The following MYO5B variants were observed in gnomAD, a reference collection of about 807,000 sequenced individuals.
The protein encoded by MYO5B is unconventional myosin-Vb.
A neutral mutation model predicts 229.3 loss-of-function variants in MYO5B; 143 were observed. The ratio of observed to expected loss-of-function variants is 0.62; its 90% CI spans 0.54 to 0.72. The LOEUF (loss-of-function observed/expected upper bound fraction) is 0.72, where lower values mean the gene tolerates loss of function less well. Among genes scored for constraint, MYO5B ranks in the 30% least tolerant of loss-of-function variants. MYO5B has a pLI of 0.00. For synonymous variants in MYO5B, 918 were observed against 885.2 expected, an observed-to-expected ratio of 1.04 and a Z score of -0.66; for missense variants, 2,321 against 2,331.0, an observed-to-expected ratio of 1.00 and a Z score of 0.09.
intron 1 of MYO5B, among the ~76,000 whole-genome samples, chr18:50,143,112 T>C (rs1169548018): frequency 6.6e-6 from 1 of 152,254 alleles, no homozygotes; most frequent in Non-Finnish European, 1.5e-5. Context: ...TATTAAGCTT[T>C]ATCTTCCTCA....
intron 9 of MYO5B, among the ~76,000 whole-genome samples, chr18:49,976,948 C>T (rs1162735591): frequency 6.6e-6 from 1 of 152,216 alleles, no homozygotes; most frequent in Non-Finnish European, 1.5e-5. Flanking sequence ...TTCTTAATTG[C>T]TAGGCACGGC....
chr18:50,059,433 G>A (rs1476408796), intron 1 of MYO5B, among the ~76,000 whole-genome samples: 1 of 152,162 alleles, frequency 6.6e-6, no homozygotes, highest in Non-Finnish European at 1.5e-5. Context: ...AGGGAGAGAG[G>A]GGAAAACAAG....
chr18:49,887,841 C>A (rs895240244), intron 22 of MYO5B, among the ~76,000 whole-genome samples: 1 of 100,564 alleles, frequency 9.9e-6, no homozygotes, highest in Non-Finnish European at 2.3e-5. Flanking sequence ...CCACCAAGCC[C>A]GGCTAATTTT....
chr18:49,890,969 T>C (rs1352376964), intron 22 of MYO5B, among the ~76,000 whole-genome samples: 1 of 152,220 alleles, frequency 6.6e-6, no homozygotes, highest in Non-Finnish European at 1.5e-5. Flanking sequence ...AGATGTGTTT[T>C]AATTCCTCTC....
intron 21 of MYO5B, among the ~76,000 whole-genome samples, chr18:49,900,089 C>T (rs575882652): frequency 6.6e-6 from 1 of 152,364 alleles, no homozygotes; most frequent in African/African-American, 2.4e-5. Context: ...GGGGAGCCAG[C>T]ATGTACACAG....
chr18:49,976,803 T>G (rs1020593254), intron 9 of MYO5B, among the ~76,000 whole-genome samples: 1 of 152,158 alleles, frequency 6.6e-6, no homozygotes, highest in African/African-American at 2.4e-5. Flanking sequence ...GAAGCCAACC[T>G]GTCTCCCCTG....
intron 15 of MYO5B, 144 bp from the exon 16 acceptor site, chr18:49,936,493 G>A: frequency 1.4e-6 from 1 of 727,502 alleles, no homozygotes; most frequent in South Asian, 1.5e-5. Flanking sequence ...GAGACCTGGG[G>A]TAAGATTCCA....
intron 1 of MYO5B, among the ~76,000 whole-genome samples, chr18:50,109,343 C>T (rs2031821346): frequency 6.6e-6 from 1 of 152,070 alleles, no homozygotes; most frequent in Non-Finnish European, 1.5e-5. Flanking sequence ...GAAATGCCCC[C>T]AGAAGAGTTC....
chr18:50,026,632 T>G (rs2026334309), intron 4 of MYO5B, among the ~76,000 whole-genome samples: 1 of 152,344 alleles, frequency 6.6e-6, no homozygotes, highest in South Asian at 2.1e-4. Context: ...AAATGGAATC[T>G]TACTCAACTA....
rs145417599 is a variant in MYO5B, at chr18:49,858,174, T to C, written c.3945-1284A>G. On this transcript the variant is annotated intron_variant, in intron 29 of 39. Coordinates refer to ENST00000285039, the MANE Select transcript of MYO5B (RefSeq NM_001080467.3). ...GCCACGATAGGAAGTGGGGGTCCGATGTGCCTCATTATACCTCTCCATCAT... is the reference window on the plus strand; with the variant it reads ...GCCACGATAGGAAGTGGGGGTCCGACGTGCCTCATTATACCTCTCCATCAT... Among the ~76,000 whole-genome samples the C allele has an allele frequency of 9.3e-3, 1,414 of 152,354 alleles. 36 individuals are homozygous for C. The South Asian group carries it at 0.12, about 12-fold the overall frequency.
intron 14 of MYO5B, among the ~76,000 whole-genome samples, chr18:49,940,875 G>A (rs933988008): frequency 4.6e-5 from 7 of 152,160 alleles, no homozygotes; most frequent in African/African-American, 1.7e-4. Context: ...ACCTAATGCT[G>A]GTGAAAATTA....
intron 17 of MYO5B, among the ~76,000 whole-genome samples, chr18:49,917,635 A>C (rs1057072909): frequency 7.2e-5 from 11 of 152,016 alleles, no homozygotes; most frequent in Non-Finnish European, 1.2e-4. Flanking sequence ...CTTTTAACCT[A>C]ATCACCCAAT....
At chr18:49,872,346 C>T (rs2024465222) in intron 26 of MYO5B, 114 bp from the exon 27 acceptor site, 1 of 962,650 alleles carries the variant, frequency 1.0e-6, no homozygotes, top group Non-Finnish European at 1.7e-6. Flanking sequence ...TACCCAACAC[C>T]CCCACCCTCC....
rs188813950 is a variant in MYO5B, at chr18:49,894,512, G to A, written c.3045+429C>T. Among the ~76,000 whole-genome samples, 171 of 152,274 alleles carry A rather than the reference G, an allele frequency of 1.1e-3. 1 individual carries two copies. The highest frequency in any genetic ancestry group is 4.0e-3 in the African/African-American group (167 of 41,550). On this transcript the variant is annotated intron_variant, in intron 22 of 39. Coordinates refer to ENST00000285039, the MANE Select transcript of MYO5B (RefSeq NM_001080467.3). ...AGGCTGAGACTTTAAGTGTTCAAAGGTGAGGCACCTCCACCAAAGCACAGT... is the reference window on the plus strand; with the variant it reads ...AGGCTGAGACTTTAAGTGTTCAAAGATGAGGCACCTCCACCAAAGCACAGT...
At chr18:49,846,357 A>C (rs959772275) in intron 33 of MYO5B, among the ~76,000 whole-genome samples, 1 of 152,158 alleles carries the variant, frequency 6.6e-6, no homozygotes, top group African/African-American at 2.4e-5. Context: ...ACTGATGCTG[A>C]TGCTGATGCT....
At chr18:50,114,864 C>T (rs1335710331) in intron 1 of MYO5B, among the ~76,000 whole-genome samples, 1 of 152,188 alleles carries the variant, frequency 6.6e-6, no homozygotes, top group Non-Finnish European at 1.5e-5. Flanking sequence ...GGCAGTGCTG[C>T]CCAAGACCTT....
At chr18:49,919,728 T>C (rs2025054833) in intron 17 of MYO5B, among the ~76,000 whole-genome samples, 1 of 152,118 alleles carries the variant, frequency 6.6e-6, no homozygotes, top group Admixed American at 6.5e-5. Flanking sequence ...CTGGTAAGAA[T>C]GCAAAATGGT....
chr18:49,902,494 G>A, intron 21 of MYO5B, 100 bp downstream of exon 21: 1 of 1,538,992 alleles, frequency 6.5e-7, no homozygotes. Flanking sequence ...GCTCCCTCGG[G>A]TCTTCGGCAT....
intron 1 of MYO5B, among the ~76,000 whole-genome samples, chr18:50,143,561 A>G (rs1270866771): frequency 6.6e-6 from 1 of 152,210 alleles, no homozygotes; most frequent in Non-Finnish European, 1.5e-5. Context: ...TCAGTGACTA[A>G]TCACACCAAT....
Sources: gnomAD v4.1 joint callset for allele counts (sites outside exome capture counted in the v4.1 genomes callset) on GRCh38, gnomAD v4.1.1 for gene constraint, MANE v1.5 for transcripts, NCBI Gene and HGNC (gene_info 2026-07-23, HGNC 2026-07-21) for gene names.